Variants in NOPCHAP1 observed in about 807,000 individuals in gnomAD.
NOPCHAP1 encodes the protein NOP protein chaperone 1, also known as DNA damage-sensitive RNA 1.
NOPCHAP1 carries 13 observed loss-of-function variants against 14.0 expected under a neutral mutation model. The observed-to-expected ratio is 0.93, with a 90% CI of 0.60 to 1.47. The LOEUF is 1.47. NOPCHAP1 is among the 40% of genes most tolerant of loss of function. The pLI, the probability that NOPCHAP1 is intolerant of heterozygous loss-of-function variation, is 0.00. For synonymous variants in NOPCHAP1, 78 were observed against 78.4 expected, an observed-to-expected ratio of 1.00 and a Z score of 0.03; for missense variants, 230 against 226.9, an observed-to-expected ratio of 1.01 and a Z score of -0.09.
chr12:104,989,890 A>G (rs1873334740), intron 2 of NOPCHAP1, among the ~76,000 whole-genome samples: 1 of 152,134 alleles, frequency 6.6e-6, no homozygotes. Context: ...TGTTAATTCT[A>G]TCAAATGTAT....
rs1326468953 is a variant in NOPCHAP1, at chr12:105,002,613, T to C, written c.*7917T>C. On this transcript the variant is annotated 3_prime_UTR_variant, in exon 4 of 4. Coordinates refer to ENST00000552951, the MANE Select transcript of NOPCHAP1 (RefSeq NM_152318.3). ...TTTTCAACAATTTTTCTAGGTCTCA[T>C]TGGCCCTACTCTTGATGAGGTTTTG... is the stretch of plus-strand genomic sequence containing the variant. The C allele has an allele frequency of 2.0e-5, 3 of 152,226 alleles. No individual in the cohort carries two copies. The highest frequency in any genetic ancestry group is 7.2e-5 in the African/African-American group (3 of 41,458). 9.4% of individuals were successfully genotyped at this position (152,226 alleles called of 1,614,324 possible).
chr12:104,986,736 C>T (rs1873247089), intron 1 of NOPCHAP1, among the ~76,000 whole-genome samples: 1 of 152,194 alleles, frequency 6.6e-6, no homozygotes, highest in Non-Finnish European at 1.5e-5. Context: ...CCAGGCGCCG[C>T]TGCCAGGCAT....
intron 1 of NOPCHAP1, among the ~76,000 whole-genome samples, chr12:104,987,082 A>T (rs760393519): frequency 2.0e-5 from 3 of 152,182 alleles, no homozygotes; most frequent in Non-Finnish European, 4.4e-5. Flanking sequence ...GAAAATGGTG[A>T]TAGTAGTAAT....
In NOPCHAP1 at chr12:104,994,469, T is replaced by G. The variant is rs571863852; in HGVS notation, c.340-9T>G. ...CTGAAATAGATTTCCTGTCCACTAC[T>G]TTTTGCAGGATGTGGCTTTGTTTGA... On this transcript the variant is annotated splice_polypyrimidine_tract_variant and intron_variant, in intron 3 of 3. Transcript: ENST00000552951. 2.4e-5 allele frequency: 38 copies of G among 1,613,088 alleles called. 1 individual carries two copies. The Admixed American group carries it at 5.8e-4, about 25-fold the overall frequency.
At chr12:104,990,198 C>T (rs10861302) in intron 2 of NOPCHAP1, among the ~76,000 whole-genome samples, 34,491 of 151,852 alleles carry the variant, frequency 0.23, 5,419 homozygotes, top group East Asian at 0.5. Flanking sequence ...TTAGAAGAAC[C>T]ACGACTGGAC....
chr12:105,014,731 G>A lies in NOPCHAP1; in HGVS notation c.*20035G>A, dbSNP rs1272124126. ...AAACTGTTCCACACAGTTGCCCACA[G>A]CCTGAAACCTATCAAATGTAGAAAA... On this transcript the variant is annotated 3_prime_UTR_variant, in exon 4 of 4. Transcript: ENST00000552951. 1 of 151,728 alleles carries A rather than the reference G, an allele frequency of 6.6e-6. No individual in the cohort carries two copies. The highest frequency in any genetic ancestry group is 2.4e-5 in the African/African-American group (1 of 41,264). 9.4% of individuals were successfully genotyped at this position (151,728 alleles called of 1,614,324 possible).
intron 2 of NOPCHAP1, among the ~76,000 whole-genome samples, chr12:104,989,706 C>T (rs1873329227): frequency 6.6e-6 from 1 of 152,112 alleles, no homozygotes; most frequent in African/African-American, 2.4e-5. Flanking sequence ...GTTGTTGTTG[C>T]TTGCTCCTGT....
At position 105,010,134 on chromosome 12, in the gene NOPCHAP1, A is replaced by G. The variant is rs1873786791; in HGVS notation, c.*15438A>G. The G allele has an allele frequency of 5.9e-5, 9 of 152,230 alleles. No individual in the cohort carries two copies. The South Asian group carries it at 1.5e-3, about 25-fold the overall frequency. The allele number at this position is 152,230 out of a possible 1,614,324, so 9.4% of individuals were successfully genotyped here. A position where few individuals can be genotyped will look rare whatever the true frequency, so the allele number is the denominator to read the frequency against. On this transcript the variant is annotated 3_prime_UTR_variant, in exon 4 of 4. Coordinates refer to ENST00000552951, the MANE Select transcript of NOPCHAP1 (RefSeq NM_152318.3). ...TAGTAGTCTATTAGTTACTGCCTCA[A>G]TTTCAGAACTTGTTATTGGTCTATT...
rs1277195423 is a variant in NOPCHAP1 at position 104,996,482 on chromosome 12, A to C, written c.*1786A>C. ...TATTTCATCACCTGGTGATAAGCAT[A>C]GTGCCCAATAGGTAGTTTTAAATCT... On this transcript the variant is annotated 3_prime_UTR_variant, in exon 4 of 4. Coordinates refer to ENST00000552951, the MANE Select transcript of NOPCHAP1 (RefSeq NM_152318.3). 6.6e-6 allele frequency: 1 copy of C among 151,802 alleles called. No individual in the cohort carries two copies. Among genetic ancestry groups the C allele is most frequent in the Non-Finnish European group, 1.5e-5 (1 of 67,994 alleles). 9.4% of individuals were successfully genotyped at this position (151,802 alleles called of 1,614,324 possible).
At position 105,003,185 on chromosome 12, in the gene NOPCHAP1, G is replaced by C. The variant is rs1873643509; in HGVS notation, c.*8489G>C. 6.6e-6 allele frequency: 1 copy of C among 152,168 alleles called. No homozygotes were observed. Among genetic ancestry groups the C allele is most frequent in the Non-Finnish European group, 1.5e-5 (1 of 68,034 alleles). 9.4% of individuals were successfully genotyped at this position (152,168 alleles called of 1,614,324 possible). On this transcript the variant is annotated 3_prime_UTR_variant, in exon 4 of 4. Coordinates refer to ENST00000552951, the MANE Select transcript of NOPCHAP1 (RefSeq NM_152318.3). Reference sequence around the variant, plus strand: ...TTTTGGATTCTTTCTTTTGTAGTGTGCCTTGCAAGTGAACAAGTTTATGTA... The same window carrying C: ...TTTTGGATTCTTTCTTTTGTAGTGTCCCTTGCAAGTGAACAAGTTTATGTA...
In NOPCHAP1 at chr12:105,014,629, A is replaced by G. The variant is rs184777216; in HGVS notation, c.*19933A>G. ...CAGTGCAGTCATACAATGCATGCAG[A>G]ATTTACTGGTTGGAAAGATCAGTTT... is the stretch of plus-strand genomic sequence containing the variant. On this transcript the variant is annotated 3_prime_UTR_variant, in exon 4 of 4. Coordinates refer to ENST00000552951, the MANE Select transcript of NOPCHAP1 (RefSeq NM_152318.3). 1 of 151,852 alleles carries G rather than the reference A, an allele frequency of 6.6e-6. No individual in the cohort carries two copies. Among genetic ancestry groups the G allele is most frequent in the African/African-American group, 2.4e-5 (1 of 41,368 alleles). 9.4% of individuals were successfully genotyped at this position (151,852 alleles called of 1,614,324 possible).
chr12:104,990,160 T>C (rs532884393), intron 2 of NOPCHAP1, among the ~76,000 whole-genome samples: 1 of 152,364 alleles, frequency 6.6e-6, no homozygotes, highest in East Asian at 1.9e-4. Context: ...TTGAATATTA[T>C]GGTGTTGTGT....
In NOPCHAP1 at chr12:104,998,763, G is replaced by C. The variant is rs1469870895; in HGVS notation, c.*4067G>C. 6.5e-6 allele frequency: 1 copy of C among 153,558 alleles called. No individual in the cohort carries two copies. Among genetic ancestry groups the C allele is most frequent in the Non-Finnish European group, 1.4e-5 (1 of 69,138 alleles). The allele number at this position is 153,558 out of a possible 1,614,324, so 9.5% of individuals were successfully genotyped here. On this transcript the variant is annotated 3_prime_UTR_variant, in exon 4 of 4. Transcript: ENST00000552951. ...TGTGCAGGCATTTGTAGTGGCTGTGGTGTTAGCATGGGGGTGGGGCGCTGT... is the reference window on the plus strand; with the variant it reads ...TGTGCAGGCATTTGTAGTGGCTGTGCTGTTAGCATGGGGGTGGGGCGCTGT...
Position 105,003,875 on chromosome 12 carries a change from C to A in NOPCHAP1, c.*9179C>A, listed in dbSNP as rs1478610354. 2.6e-5 allele frequency: 4 copies of A among 152,218 alleles called. No homozygotes were observed. The highest frequency in any genetic ancestry group is 4.4e-5 in the Non-Finnish European group (3 of 68,034). The allele number at this position is 152,218 out of a possible 1,614,324, so 9.4% of individuals were successfully genotyped here. On this transcript the variant is annotated 3_prime_UTR_variant, in exon 4 of 4. Coordinates refer to ENST00000552951, the MANE Select transcript of NOPCHAP1 (RefSeq NM_152318.3). Reference sequence around the variant, plus strand: ...ATTTGTGCATGGTTTGATAACTTGACTGCCTATGACTGGCTGAAGCTCACC... The same window carrying A: ...ATTTGTGCATGGTTTGATAACTTGAATGCCTATGACTGGCTGAAGCTCACC...
chr12:104,990,727 T>C (rs1873356892), intron 2 of NOPCHAP1, among the ~76,000 whole-genome samples: 1 of 152,220 alleles, frequency 6.6e-6, no homozygotes, highest in African/African-American at 2.4e-5. Context: ...CTGACAGTTA[T>C]CACTCCTCTT....
Position 105,013,802 on chromosome 12 carries a change from G to A in NOPCHAP1, c.*19106G>A, listed in dbSNP as rs944615744. 4 of 152,412 alleles carry A rather than the reference G, an allele frequency of 2.6e-5. No individual in the cohort carries two copies. Among genetic ancestry groups the A allele is most frequent in the Admixed American group, 6.5e-5 (1 of 15,288 alleles). 9.4% of individuals were successfully genotyped at this position (152,412 alleles called of 1,614,324 possible). A position where few individuals can be genotyped will look rare whatever the true frequency, so the allele number is the denominator to read the frequency against. The stretch of plus-strand genomic sequence containing the variant: ...GTTCCCTAACGCTTTGTGCTTCCCA[G>A]GTGAGGCAACACCCCACCCTTCTTC... On this transcript the variant is annotated 3_prime_UTR_variant, in exon 4 of 4. Transcript: ENST00000552951.
At chr12:104,987,956 G>T (rs529913475) in intron 1 of NOPCHAP1, among the ~76,000 whole-genome samples, 49 of 152,280 alleles carry the variant, frequency 3.2e-4, no homozygotes, top group Non-Finnish European at 5.7e-4. Context: ...TGATAGAGGT[G>T]AATGAGACAG....
intron 1 of NOPCHAP1, among the ~76,000 whole-genome samples, chr12:104,987,688 G>A (rs919942549): frequency 1.3e-5 from 2 of 152,184 alleles, no homozygotes; most frequent in African/African-American, 4.8e-5. Flanking sequence ...TCCCCAAAAG[G>A]CTGCTTTCCT....
rs1187734903 is a variant in NOPCHAP1, at chr12:105,007,732, C to T, written c.*13036C>T. The T allele has an allele frequency of 6.6e-6, 1 of 152,116 alleles. No individual in the cohort carries two copies. The highest frequency in any genetic ancestry group is 1.5e-5 in the Non-Finnish European group (1 of 68,030). 9.4% of individuals were successfully genotyped at this position (152,116 alleles called of 1,614,324 possible). ...CCATGTGTTCTCATTGTTCAACTCC[C>T]ACTTAGGAGTGAGAACATGTGATGT... On this transcript the variant is annotated 3_prime_UTR_variant, in exon 4 of 4. Coordinates refer to ENST00000552951, the MANE Select transcript of NOPCHAP1 (RefSeq NM_152318.3).
Sources: gnomAD v4.1 joint callset for allele counts (sites outside exome capture counted in the v4.1 genomes callset) on GRCh38, gnomAD v4.1.1 for gene constraint, MANE v1.5 for transcripts, NCBI Gene and HGNC (gene_info 2026-07-23, HGNC 2026-07-21) for gene names.